The following CIST1 variants were observed in gnomAD, a reference collection of about 807,000 sequenced individuals.
CIST1 encodes the protein uncharacterized LOC729966.
the CIST1 span, chr19:18,252,328 G>T: frequency 1.8e-5 from 7 of 398,950 alleles, no homozygotes; most frequent in Non-Finnish European, 2.7e-5. Flanking sequence ...GGGCTGAGGT[G>T]GGTTATGGAG....
At chr19:18,254,300 G>C in the CIST1 span, among the ~76,000 whole-genome samples, 2 of 152,198 alleles carry the variant, frequency 1.3e-5, no homozygotes, top group Non-Finnish European at 2.9e-5. Context: ...CTGGGGAGCT[G>C]AGTGCTTAGT....
the CIST1 span, among the ~76,000 whole-genome samples, chr19:18,253,860 C>T: frequency 6.6e-6 from 1 of 152,228 alleles, no homozygotes; most frequent in Non-Finnish European, 1.5e-5. Context: ...CGACTTCCCA[C>T]CCAGTTCCAG....
At chr19:18,251,208 C>G in the CIST1 span, among the ~76,000 whole-genome samples, 1 of 151,804 alleles carries the variant, frequency 6.6e-6, no homozygotes, top group Non-Finnish European at 1.5e-5. Flanking sequence ...TCACTCCAAC[C>G]TCCGCCTCCT....
At chr19:18,250,382 G>A in the CIST1 span, 1 of 398,984 alleles carries the variant, frequency 2.5e-6, no homozygotes, top group Non-Finnish European at 4.4e-6. Flanking sequence ...CATGACCACA[G>A]ACCCGATGAG....
At chr19:18,252,393 T>C in the CIST1 span, 1 of 398,802 alleles carries the variant, frequency 2.5e-6, no homozygotes, top group Non-Finnish European at 4.4e-6. Context: ...CCCTGAACTG[T>C]GGGTGCTGTG....
At chr19:18,250,058 T>A in the CIST1 span, 1 of 398,706 alleles carries the variant, frequency 2.5e-6, no homozygotes. Flanking sequence ...GGGGCTTTAT[T>A]TCCTCAGGTT....
the CIST1 span, among the ~76,000 whole-genome samples, chr19:18,254,616 G>A: frequency 6.6e-6 from 1 of 152,198 alleles, no homozygotes; most frequent in African/African-American, 2.4e-5. Context: ...TCCCTGCAAT[G>A]AGCATTTCAG....
the CIST1 span, chr19:18,252,271 T>C: frequency 5.0e-6 from 2 of 399,136 alleles, no homozygotes; most frequent in East Asian, 7.1e-5. Context: ...CTTGAATCTG[T>C]GGAGCTGGGG....
chr19:18,252,167 G>A, the CIST1 span: 2 of 399,148 alleles, frequency 5.0e-6, no homozygotes, highest in Non-Finnish European at 8.8e-6. Flanking sequence ...CGGAACTGGG[G>A]AGGGTGGAAT....
At chr19:18,254,211 T>C in the CIST1 span, among the ~76,000 whole-genome samples, 6 of 152,144 alleles carry the variant, frequency 3.9e-5, no homozygotes, top group Non-Finnish European at 8.8e-5. Context: ...AGAACGCCCC[T>C]CAAGGACCCT....
At chr19:18,250,219 G>A in the CIST1 span, 2 of 398,772 alleles carry the variant, frequency 5.0e-6, no homozygotes, top group Non-Finnish European at 8.8e-6. Flanking sequence ...ACACCAAAAG[G>A]CTCTGCAGCC....
the CIST1 span, among the ~76,000 whole-genome samples, chr19:18,254,949 A>G: frequency 6.6e-6 from 1 of 152,240 alleles, no homozygotes. Context: ...GGAGCCCAAA[A>G]GTAGGTGTGA....
chr19:18,252,134 G>A, the CIST1 span: 1 of 399,350 alleles, frequency 2.5e-6, no homozygotes, highest in Non-Finnish European at 4.4e-6. Flanking sequence ...GGGAAGTGGG[G>A]CTCCAGTGCG....
chr19:18,252,775 G>A, the CIST1 span, among the ~76,000 whole-genome samples: 4 of 151,982 alleles, frequency 2.6e-5, no homozygotes, highest in African/African-American at 7.2e-5. Context: ...GCATTACCAC[G>A]CCTGGCTAAT....
the CIST1 span, among the ~76,000 whole-genome samples, chr19:18,251,649 G>A: frequency 0.028 from 3,108 of 111,884 alleles, 139 homozygotes; most frequent in African/African-American, 0.09. Flanking sequence ...TGGCCAGGCT[G>A]GTCTTGAACT....
the CIST1 span, among the ~76,000 whole-genome samples, chr19:18,254,073 C>T: frequency 1.3e-5 from 2 of 152,218 alleles, no homozygotes; most frequent in Non-Finnish European, 2.9e-5. Flanking sequence ...CCCCCAGGCC[C>T]TGTGGGGATG....
the CIST1 span, chr19:18,252,069 C>T: frequency 5.0e-6 from 2 of 398,882 alleles, no homozygotes; most frequent in Non-Finnish European, 8.8e-6. Context: ...CTCACCTGGG[C>T]CAGGGGGCTC....
the CIST1 span, chr19:18,255,304 C>T: frequency 2.5e-6 from 1 of 399,296 alleles, no homozygotes; most frequent in African/African-American, 2.0e-5. This position sits in a 1 kb window ranked among gnomAD's most constrained non-coding sequence, Gnocchi z 4.6. Context: ...TGGGGGCACG[C>T]CATTCCTGCG....
the CIST1 span, among the ~76,000 whole-genome samples, chr19:18,251,678 G>GT: frequency 2.1e-4 from 5 of 23,328 alleles, no homozygotes; most frequent in South Asian, 9.3e-3. Context: ...CGTGATACAC[G>GT]CCCCCCCCGC....
Sources: gnomAD v4.1 joint callset for allele counts (sites outside exome capture counted in the v4.1 genomes callset) on GRCh38, gnomAD v4.1.1 for gene constraint, Gnocchi (gnomAD v3.1) non-coding constraint, MANE v1.5 for transcripts, NCBI Gene and HGNC (gene_info 2026-07-23, HGNC 2026-07-21) for gene names.